The following PXDNL variants were observed in gnomAD, a reference collection of about 807,000 sequenced individuals.
The protein encoded by PXDNL is probable oxidoreductase PXDNL.
PXDNL carries 145 observed loss-of-function variants against 150.8 expected under a neutral mutation model. The ratio of observed to expected loss-of-function variants is 0.96; its 90% CI spans 0.84 to 1.10. The LOEUF is 1.10. Among genes scored for constraint, PXDNL ranks in the 50% least tolerant of loss-of-function variants. The probability of loss-of-function intolerance (pLI) is 0.00; values close to 1 mark genes in which losing one functional copy is unlikely to be tolerated. For missense variants in PXDNL, 2,087 were observed against 1,873.9 expected (o/e 1.11, Z -2.10); for synonymous variants, 757 against 725.7 (o/e 1.04, Z -0.69).
chr8:51,524,198 A>G (rs1811719896), intron 4 of PXDNL, among the ~76,000 whole-genome samples: 1 of 152,200 alleles, frequency 6.6e-6, no homozygotes, highest in Non-Finnish European at 1.5e-5. Flanking sequence ...ACATTGTTAC[A>G]TACGCTCCCT....
intron 3 of PXDNL, among the ~76,000 whole-genome samples, chr8:51,573,729 A>G (rs1396422425): frequency 6.6e-6 from 1 of 151,964 alleles, no homozygotes; most frequent in African/African-American, 2.4e-5. Flanking sequence ...CAGAAAATTC[A>G]AATAAGATCC....
At chr8:51,535,631 T>C (rs1344885585) in intron 4 of PXDNL, among the ~76,000 whole-genome samples, 2 of 140,134 alleles carry the variant, frequency 1.4e-5, no homozygotes, top group Non-Finnish European at 3.0e-5. Flanking sequence ...TTTGTTCACT[T>C]GTTTATCTGC....
chr8:51,356,133 G>A (rs1806499950), intron 19 of PXDNL, among the ~76,000 whole-genome samples: 1 of 152,162 alleles, frequency 6.6e-6, no homozygotes, highest in African/African-American at 2.4e-5. Context: ...TTAAGATGAA[G>A]TGTTGGTTTT....
chr8:51,486,774 A>G (rs868454141), intron 5 of PXDNL, among the ~76,000 whole-genome samples: 1 of 8,886 alleles, frequency 1.1e-4, no homozygotes, highest in African/African-American at 2.3e-4. Context: ...ATATATATAT[A>G]TATATATATA....
chr8:51,485,404 C>T (rs1318177008), intron 5 of PXDNL, among the ~76,000 whole-genome samples: 1 of 152,168 alleles, frequency 6.6e-6, no homozygotes, highest in African/African-American at 2.4e-5. Flanking sequence ...CTCAGGTTCT[C>T]CTGAGCTCTT....
chr8:51,403,716 G>A (rs117041333), intron 17 of PXDNL, among the ~76,000 whole-genome samples: 2,342 of 152,294 alleles, frequency 0.015, 30 homozygotes, highest in Non-Finnish European at 0.023. Flanking sequence ...GCACCGCTAT[G>A]ATCTAAATGT....
chr8:51,673,525 A>G (rs1050055391), intron 1 of PXDNL, among the ~76,000 whole-genome samples: 1 of 152,214 alleles, frequency 6.6e-6, no homozygotes, highest in Non-Finnish European at 1.5e-5. Flanking sequence ...GACAGATTTC[A>G]GCTGAATAAA....
chr8:51,377,281 GAGAC>G, intron 17 of PXDNL, among the ~76,000 whole-genome samples: 1 of 151,460 alleles, frequency 6.6e-6, no homozygotes, highest in East Asian at 2.0e-4. Flanking sequence ...TTCTTTTTAA[GAGAC>G]AGGGTCTCAC....
At chr8:51,718,958 C>T (rs1425694190) in intron 1 of PXDNL, among the ~76,000 whole-genome samples, 2 of 151,440 alleles carry the variant, frequency 1.3e-5, no homozygotes, top group Non-Finnish European at 3.0e-5. Context: ...GGGCAGCCCC[C>T]ACCCGGCCAG....
intron 17 of PXDNL, among the ~76,000 whole-genome samples, chr8:51,379,424 C>A (rs908435621): frequency 6.6e-6 from 1 of 152,016 alleles, no homozygotes; most frequent in African/African-American, 2.4e-5. Context: ...CTGGATCTTC[C>A]TAATTAATTA....
At chr8:51,659,856 A>AGTAT (rs1815229560) in intron 1 of PXDNL, among the ~76,000 whole-genome samples, 2 of 144,722 alleles carry the variant, frequency 1.4e-5, no homozygotes, top group Middle Eastern at 3.5e-3. Flanking sequence ...CACAAATTGC[A>AGTAT]GTATTTATTT....
chr8:51,624,739 C>T (rs1220559611), intron 2 of PXDNL, among the ~76,000 whole-genome samples: 3 of 149,916 alleles, frequency 2.0e-5, no homozygotes, highest in Admixed American at 6.7e-5. Context: ...AAAATCAAAC[C>T]CTGCCCAGGG....
intron 2 of PXDNL, among the ~76,000 whole-genome samples, chr8:51,622,980 C>T (rs972437878): frequency 3.3e-5 from 5 of 152,228 alleles, no homozygotes; most frequent in Admixed American, 1.3e-4. Context: ...GAACTGCTGC[C>T]TTCCCTTTAT....
intron 1 of PXDNL, among the ~76,000 whole-genome samples, chr8:51,780,464 A>G (rs1160309919): frequency 6.6e-6 from 1 of 152,118 alleles, no homozygotes; most frequent in Admixed American, 6.5e-5. Context: ...GACAGTGCGC[A>G]TACTTGTTTA....
At chr8:51,803,112 T>G (rs141906312) in intron 1 of PXDNL, among the ~76,000 whole-genome samples, 4 of 152,156 alleles carry the variant, frequency 2.6e-5, no homozygotes, top group Non-Finnish European at 4.4e-5. Context: ...GGTTAGAACA[T>G]GTGCTGCAGC....
intron 3 of PXDNL, among the ~76,000 whole-genome samples, chr8:51,578,034 G>A (rs529109287): frequency 3.1e-5 from 4 of 127,442 alleles, no homozygotes; most frequent in African/African-American, 1.4e-4. Context: ...AGGAAGGAAG[G>A]AAGGAAGGAA....
At chr8:51,443,683 T>C (rs564048526) in intron 12 of PXDNL, among the ~76,000 whole-genome samples, 1 of 152,322 alleles carries the variant, frequency 6.6e-6, no homozygotes, top group South Asian at 2.1e-4. Context: ...GTGAGTAGAG[T>C]AGCATTGTTT....
rs191340219 is a variant in PXDNL at position 51,644,102 on chromosome 8, T to C, written c.236+10587A>G. Among the ~76,000 whole-genome samples, 147 of 151,560 alleles carry C rather than the reference T, an allele frequency of 9.7e-4. 1 individual carries two copies. Among genetic ancestry groups the C allele is most frequent in the Middle Eastern group, 3.4e-3 (1 of 294 alleles). On this transcript the variant is annotated intron_variant, in intron 2 of 22. Transcript: ENST00000356297. ...CAGAGCTTACAGTGAGCCGAGATCA[T>C]GCCACTGAACTCCAGCCTGGGCAAC... is the stretch of plus-strand genomic sequence containing the variant.
In PXDNL at chr8:51,324,289, A is replaced by C. The variant is rs945238518; in HGVS notation, c.4147-3392T>G. The stretch of plus-strand genomic sequence containing the variant: ...CCTTTTCATTTTCTTGACTTATTGC[A>C]CTGGCAAGAACTTCCAGCATTAGGT... On this transcript the variant is annotated intron_variant, in intron 21 of 22. Coordinates refer to ENST00000356297, the MANE Select transcript of PXDNL (RefSeq NM_144651.5). 2.0e-5 allele frequency among the ~76,000 whole-genome samples: 3 copies of C among 152,160 alleles called. No individual in the cohort carries two copies. The East Asian group carries it at 5.8e-4, about 29-fold the overall frequency.
Sources: allele counts gnomAD v4.1 joint callset (sites outside exome capture counted in the v4.1 genomes callset), GRCh38; gene constraint gnomAD v4.1.1; transcripts MANE v1.5; gene names NCBI Gene and HGNC (gene_info 2026-07-23, HGNC 2026-07-21).